Variants in CACNA1B observed in about 807,000 individuals in gnomAD.
The protein encoded by CACNA1B is voltage-dependent N-type calcium channel subunit alpha-1B.
Under a neutral mutation model 247.2 loss-of-function variants are expected in CACNA1B, and 70 were observed. The ratio of observed to expected loss-of-function variants is 0.28; its 90% CI spans 0.23 to 0.35. The LOEUF (loss-of-function observed/expected upper bound fraction) is 0.35. Among genes scored for constraint, CACNA1B ranks in the 10% least tolerant of loss-of-function variants. CACNA1B has a pLI of 1.00. For missense variants in CACNA1B, 2,367 were observed against 3,197.4 expected (o/e 0.74, Z 6.26); for synonymous variants, 1,231 against 1,294.4 (o/e 0.95, Z 1.05).
rs115838715 is a variant in CACNA1B, at chr9:138,008,382, G to A, written c.2092+1498G>A. On this transcript the variant is annotated intron_variant, in intron 16 of 46. Coordinates refer to ENST00000371372, the MANE Select transcript of CACNA1B (RefSeq NM_000718.4). ...CGTTAGTCCTGCTGGATCCCAAGGG[G>A]CATGGCCCTTGGTCCTGCTTTCTGG... Among the ~76,000 whole-genome samples the A allele has an allele frequency of 5.2e-3, 792 of 152,342 alleles. 8 individuals carry two copies. Among genetic ancestry groups the A allele is most frequent in the African/African-American group, 0.018 (750 of 41,582 alleles).
intron 41 of CACNA1B, among the ~76,000 whole-genome samples, chr9:138,115,281 G>A (rs774185213): frequency 6.6e-6 from 1 of 152,212 alleles, no homozygotes; most frequent in African/African-American, 2.4e-5. Flanking sequence ...GAGGTTTTGA[G>A]AGGTGACATG....
At chr9:138,103,306 A>G (rs1205990638) in intron 38 of CACNA1B, among the ~76,000 whole-genome samples, 1 of 152,154 alleles carries the variant, frequency 6.6e-6, no homozygotes, top group Non-Finnish European at 1.5e-5. Flanking sequence ...CAGCTCAGCA[A>G]GTGCAGAGGC....
At chr9:138,000,304 T>A (rs752279452) in intron 15 of CACNA1B, among the ~76,000 whole-genome samples, 2 of 152,066 alleles carry the variant, frequency 1.3e-5, no homozygotes, top group African/African-American at 4.8e-5. Flanking sequence ...TTCACCGTGT[T>A]AGCCAGGATG....
At chr9:137,972,919 A>T (rs954301570) in intron 11 of CACNA1B, among the ~76,000 whole-genome samples, 1 of 152,158 alleles carries the variant, frequency 6.6e-6, no homozygotes, top group Middle Eastern at 3.2e-3. Flanking sequence ...CCTGGGGCCC[A>T]CAGGGTGGTA....
At position 138,066,415 on chromosome 9, in the gene CACNA1B, C is replaced by G. The variant is rs148308231; in HGVS notation, c.4669-3343C>G. Reference sequence around the variant, plus strand: ...TGAGTTATGATTGTACCACTGCACTCCAGTCTGGGCAACAGAGCAAAACGC... The same window carrying G: ...TGAGTTATGATTGTACCACTGCACTGCAGTCTGGGCAACAGAGCAAAACGC... On this transcript the variant is annotated intron_variant, in intron 31 of 46. Coordinates refer to ENST00000371372, the MANE Select transcript of CACNA1B (RefSeq NM_000718.4). 1.4e-3 allele frequency among the ~76,000 whole-genome samples: 215 copies of G among 152,148 alleles called. 2 individuals carry two copies. Among genetic ancestry groups the G allele is most frequent in the African/African-American group, 5.1e-3 (211 of 41,498 alleles).
At position 138,013,353 on chromosome 9, in the gene CACNA1B, G is replaced by A. The variant is rs532720084; in HGVS notation, c.2267+118G>A. 5.2e-4 allele frequency: 349 copies of A among 677,362 alleles called. 2 individuals carry two copies. Among genetic ancestry groups the A allele is most frequent in the Middle Eastern group, 2.5e-3 (6 of 2,386 alleles). 42.0% of individuals were successfully genotyped at this position (677,362 alleles called of 1,614,324 possible). A position where few individuals can be genotyped will look rare whatever the true frequency, so the allele number is the denominator to read the frequency against. ...TCCTCAGAGGGCCTCTGGCCTTGGC[G>A]GGTGAGGACACAGCCCCTCCTCGGA... On this transcript the variant is annotated intron_variant, in intron 18 of 46. Transcript: ENST00000371372.
chr9:137,989,203 A>G (rs555938651), intron 15 of CACNA1B, among the ~76,000 whole-genome samples: 49 of 152,332 alleles, frequency 3.2e-4, no homozygotes, highest in African/African-American at 1.1e-3. Context: ...CAAAATTATG[A>G]AAAAAGGCAC....
intron 20 of CACNA1B, among the ~76,000 whole-genome samples, chr9:138,040,374 T>C (rs1411301214): frequency 1.3e-5 from 2 of 151,990 alleles, no homozygotes; most frequent in Non-Finnish European, 1.5e-5. Context: ...TGATATTGCT[T>C]GAGTTCATAT....
intron 6 of CACNA1B, among the ~76,000 whole-genome samples, chr9:137,921,312 G>A (rs958214101): frequency 1.7e-4 from 21 of 127,122 alleles, no homozygotes; most frequent in East Asian, 1.0e-3. Flanking sequence ...CAGCACCACG[G>A]CCGCGCAGCA....
At chr9:138,117,287 G>GT (rs1564295815) in intron 42 of CACNA1B, among the ~76,000 whole-genome samples, 3 of 40,378 alleles carry the variant, frequency 7.4e-5, no homozygotes, top group Admixed American at 6.5e-4. Context: ...TGTGGCTTGG[G>GT]GGGGGGGTCA....
chr9:138,061,806 C>T (rs1225866656), intron 31 of CACNA1B, among the ~76,000 whole-genome samples: 1 of 152,234 alleles, frequency 6.6e-6, no homozygotes, highest in South Asian at 2.1e-4. Flanking sequence ...CAGCTTACCA[C>T]TAGGTGGCTG....
At position 137,986,788 on chromosome 9, in the gene CACNA1B, C is replaced by A; in HGVS notation, c.1908C>A (p.Asn636Lys). The A allele has an allele frequency of 1.2e-6, 2 of 1,613,502 alleles. No homozygotes were observed. The highest frequency in any genetic ancestry group is 1.7e-6 in the Non-Finnish European group (2 of 1,179,416). ...LGMQLFGGQF[N>K]FQDETPTTNF... Reference sequence around the variant, plus strand: ...GCCTTCCTGTTTTCCTCAGGTTCAACTTCCAGGATGAGACTCCCACAACCA... The same window carrying A: ...GCCTTCCTGTTTTCCTCAGGTTCAAATTCCAGGATGAGACTCCCACAACCA... Residue 636 changes from asparagine to lysine, a missense_variant, in exon 15 of 47, where the codon AAC becomes AAA. Asn to Lys is a moderately conservative substitution (Grantham distance 94). Transcript: ENST00000371372. The surrounding 1 kb of genome is among the most constrained non-coding windows in gnomAD (Gnocchi z 6.0).
rs917021392 is a variant in CACNA1B, at chr9:137,990,886, A to C, written c.1974+4032A>C. On this transcript the variant is annotated intron_variant, in intron 15 of 46. Transcript: ENST00000371372. The surrounding 1 kb of genome is among the most constrained non-coding windows in gnomAD (Gnocchi z 4.5). ...TGCAGTTTGGCTCTCAGGAAGCCCC[A>C]TTCCTCAGGGCAGGGGGAGAACACC... Among the ~76,000 whole-genome samples the C allele has an allele frequency of 6.6e-6, 1 of 152,210 alleles. No homozygotes were observed. The highest frequency in any genetic ancestry group is 1.5e-5 in the Non-Finnish European group (1 of 68,026).
intron 39 of CACNA1B, among the ~76,000 whole-genome samples, 158 bp from the exon 40 acceptor site, chr9:138,112,240 G>A (rs113993880): frequency 5.9e-5 from 9 of 152,222 alleles, no homozygotes; most frequent in African/African-American, 9.6e-5. Flanking sequence ...CTGCATCAGC[G>A]TTTGTTCCCA....
intron 12 of CACNA1B, among the ~76,000 whole-genome samples, chr9:137,978,302 C>A (rs1420398639): frequency 2.1e-5 from 3 of 146,196 alleles, no homozygotes; most frequent in Non-Finnish European, 4.5e-5. Context: ...ACTGCCCCCC[C>A]AGGAAGGAGT....
intron 3 of CACNA1B, among the ~76,000 whole-genome samples, chr9:137,904,426 G>A (rs1179688988): frequency 1.4e-5 from 2 of 142,856 alleles, no homozygotes; most frequent in African/African-American, 2.7e-5. Flanking sequence ...GAGTGCAGTG[G>A]TGTGATCATG....
rs765993690 is a variant in CACNA1B at position 138,059,030 on chromosome 9, G to T, written c.4474-49G>T. The stretch of plus-strand genomic sequence containing the variant: ...TGGTCATAGTGGTCCCAGATGGGGT[G>T]TCTTGGGGCTGCCAAACCCATGGCC... On this transcript the variant is annotated intron_variant, in intron 29 of 46. Coordinates refer to ENST00000371372, the MANE Select transcript of CACNA1B (RefSeq NM_000718.4). This position sits in a 1 kb window ranked among gnomAD's most constrained non-coding sequence, Gnocchi z 4.2. The T allele has an allele frequency of 8.8e-7, 1 of 1,142,138 alleles. No individual in the cohort carries two copies. The highest frequency in any genetic ancestry group is 1.3e-5 in the South Asian group (1 of 78,242). 70.8% of individuals were successfully genotyped at this position (1,142,138 alleles called of 1,614,324 possible). A position where few individuals can be genotyped will look rare whatever the true frequency, so the allele number is the denominator to read the frequency against.
chr9:138,102,601 G>T lies in CACNA1B; in HGVS notation c.5223-110G>T. 1.8e-6 allele frequency: 1 copy of T among 549,706 alleles called. No individual in the cohort carries two copies. 34.1% of individuals were successfully genotyped at this position (549,706 alleles called of 1,614,324 possible). A position where few individuals can be genotyped will look rare whatever the true frequency, so the allele number is the denominator to read the frequency against. On this transcript the variant is annotated intron_variant, in intron 37 of 46. Coordinates refer to ENST00000371372, the MANE Select transcript of CACNA1B (RefSeq NM_000718.4). The surrounding 1 kb of genome is among the most constrained non-coding windows in gnomAD (Gnocchi z 5.4). ...TTTGATTAACTGGCTCTGTTTTCTT[G>T]TCTGCTTCCTCCCTGCCCCTACCCC...
intron 13 of CACNA1B, among the ~76,000 whole-genome samples, chr9:137,985,527 A>G (rs1316518544): frequency 1.3e-5 from 2 of 152,214 alleles, no homozygotes; most frequent in Non-Finnish European, 2.9e-5. Context: ...AGAGTCTTCC[A>G]TCCCGTCTGC....
Sources: allele counts gnomAD v4.1 joint callset (sites outside exome capture counted in the v4.1 genomes callset), GRCh38; gene constraint gnomAD v4.1.1; non-coding constraint Gnocchi (gnomAD v3.1); transcripts MANE v1.5; gene names NCBI Gene and HGNC (gene_info 2026-07-23, HGNC 2026-07-21).